TRPM6: variants seen among roughly 807,000 people sequenced by gnomAD.
The protein encoded by TRPM6 is channel kinase 2.
A neutral mutation model predicts 247.6 loss-of-function variants in TRPM6; 111 were observed. That is an observed-to-expected ratio of 0.45 (90% CI 0.38 to 0.52). The LOEUF (loss-of-function observed/expected upper bound fraction) is 0.52, where lower values mean the gene tolerates loss of function less well. TRPM6 is among the 20% of genes least tolerant of loss of function. The pLI is 0.00. For synonymous variants in TRPM6, 892 were observed against 853.8 expected (o/e 1.04, Z -0.78); for missense variants, 2,126 against 2,421.5 (o/e 0.88, Z 2.56).
intron 1 of TRPM6, among the ~76,000 whole-genome samples, chr9:74,872,230 C>G (rs1412492340): frequency 6.6e-6 from 1 of 152,192 alleles, no homozygotes; most frequent in African/African-American, 2.4e-5. Flanking sequence ...AAGCAATCAT[C>G]CTGCCTTGTC....
intron 25 of TRPM6, among the ~76,000 whole-genome samples, chr9:74,767,595 C>T (rs969428314): frequency 1.3e-5 from 2 of 152,110 alleles, no homozygotes; most frequent in Admixed American, 1.3e-4. Context: ...TAAATGACCT[C>T]AACAAAGATG....
At chr9:74,843,457 C>T (rs1587569615) in intron 3 of TRPM6, among the ~76,000 whole-genome samples, 1 of 152,092 alleles carries the variant, frequency 6.6e-6, no homozygotes, top group Admixed American at 6.6e-5. Context: ...TGTCCAGATC[C>T]ATCAGAGGAA....
intron 13 of TRPM6, among the ~76,000 whole-genome samples, chr9:74,809,297 A>C (rs1239656516): frequency 6.6e-6 from 1 of 152,194 alleles, no homozygotes; most frequent in East Asian, 1.9e-4. Context: ...GACTACTTAA[A>C]TTGCACCTTA....
At chr9:74,869,131 G>T (rs946410942) in intron 1 of TRPM6, among the ~76,000 whole-genome samples, 4 of 152,130 alleles carry the variant, frequency 2.6e-5, no homozygotes, top group Non-Finnish European at 5.9e-5. Context: ...CAGGAAAAAG[G>T]TTGTAAAACA....
chr9:74,725,264 G>A (rs375350710), intron 38 of TRPM6, among the ~76,000 whole-genome samples: 1 of 152,034 alleles, frequency 6.6e-6, no homozygotes, highest in African/African-American at 2.4e-5. Context: ...AATATTAATA[G>A]GCATAACCTT....
intron 25 of TRPM6, among the ~76,000 whole-genome samples, chr9:74,767,147 G>A (rs760802466): frequency 6.6e-6 from 1 of 152,120 alleles, no homozygotes; most frequent in Non-Finnish European, 1.5e-5. Flanking sequence ...CCTCAGTAAG[G>A]TTTCATGGTC....
In TRPM6 at chr9:74,840,008, A is replaced by G; in HGVS notation, c.544+16T>C. On this transcript the variant is annotated intron_variant, in intron 5 of 38. Coordinates refer to ENST00000360774, the MANE Select transcript of TRPM6 (RefSeq NM_017662.5). ...GTGAAAGAGAGGGTGGGAGAAATGG[A>G]GGGAGGGAGCTTTACCTGTATTGAT... 1 of 1,589,812 alleles carries G rather than the reference A, an allele frequency of 6.3e-7. No individual in the cohort carries two copies. The highest frequency in any genetic ancestry group is 8.6e-7 in the Non-Finnish European group (1 of 1,158,184).
chr9:74,772,131 A>C (rs1340207219), intron 24 of TRPM6, among the ~76,000 whole-genome samples: 1 of 152,116 alleles, frequency 6.6e-6, no homozygotes, highest in Non-Finnish European at 1.5e-5. Context: ...CTCTACAAAA[A>C]AATTTCAATA....
At chr9:74,753,589 G>A (rs1449738004) in intron 28 of TRPM6, among the ~76,000 whole-genome samples, 4 of 152,000 alleles carry the variant, frequency 2.6e-5, no homozygotes, top group South Asian at 2.1e-4. Flanking sequence ...CCAGCTACTC[G>A]GGAGGCTGAG....
chr9:74,828,585 G>A (rs1230942212), intron 6 of TRPM6, among the ~76,000 whole-genome samples: 1 of 151,394 alleles, frequency 6.6e-6, no homozygotes, highest in Non-Finnish European at 1.5e-5. Context: ...ACACAGCATG[G>A]TCACATTGCT....
chr9:74,756,681 C>CAAAAAAAAAAAAAAA, intron 27 of TRPM6, among the ~76,000 whole-genome samples: 1 of 51,774 alleles, frequency 1.9e-5, no homozygotes, highest in Non-Finnish European at 4.1e-5. Context: ...CCCGTCTCTA[C>CAAAAAAAAAAAAAAA]AAAAAAAAAA....
chr9:74,797,786 C>G (rs1828152935), intron 17 of TRPM6, among the ~76,000 whole-genome samples: 4 of 152,056 alleles, frequency 2.6e-5, no homozygotes, highest in Admixed American at 2.6e-4. Flanking sequence ...AGGGCAGTGA[C>G]AGGTATTATT....
At chr9:74,806,059 A>T (rs1380890221) in intron 14 of TRPM6, among the ~76,000 whole-genome samples, 5 of 152,214 alleles carry the variant, frequency 3.3e-5, no homozygotes, top group Admixed American at 6.5e-5. Flanking sequence ...AGTACATTTC[A>T]TTTAGAGATA....
intron 27 of TRPM6, among the ~76,000 whole-genome samples, chr9:74,755,975 T>C (rs999320486): frequency 1.3e-5 from 2 of 152,210 alleles, no homozygotes; most frequent in African/African-American, 4.8e-5. Context: ...TGAGCCCCTT[T>C]TCCTTCATTA....
chr9:74,830,155 CTTGAAGG>C (rs1829492841), intron 6 of TRPM6, among the ~76,000 whole-genome samples: 1 of 151,776 alleles, frequency 6.6e-6, no homozygotes, highest in Non-Finnish European at 1.5e-5. Flanking sequence ...AACAAAAAAA[CTTGAAGG>C]TTAAGAAGTC....
rs776762572 is a variant in TRPM6, at chr9:74,800,358, C to T, written c.2134G>A (p.Val712Met). ...ACAAAGGGTCGTAATCCTCCCGACACGGCCAGTTTAAGGCAGGTCGAATTG... is the reference window on the plus strand; with the variant it reads ...ACAAAGGGTCGTAATCCTCCCGACATGGCCAGTTTAAGGCAGGTCGAATTG... ...WSNSTCLKLA[V>M]SGGLRPFVSH... Residue 712 changes from valine to methionine, a missense_variant, in exon 17 of 39, where the codon GTG becomes ATG. This residue lies in a region of TRPM6 where 1,082 missense variants were observed against 1,307.9 expected (regional missense o/e 0.83). Transcript: ENST00000360774. 2.3e-5 allele frequency: 37 copies of T among 1,613,958 alleles called. No individual in the cohort carries two copies. The highest frequency in any genetic ancestry group is 2.7e-5 in the African/African-American group (2 of 74,880).
rs930433019 is a variant in TRPM6, at chr9:74,723,958, C to T, written c.*655G>A. Reference sequence around the variant, plus strand: ...GGAAGGGTATTTGTTTTAGGTTTCCCTTTCTTTTACAGAAACCTGAAATAT... The same window carrying T: ...GGAAGGGTATTTGTTTTAGGTTTCCTTTTCTTTTACAGAAACCTGAAATAT... On this transcript the variant is annotated 3_prime_UTR_variant, in exon 39 of 39. Transcript: ENST00000360774. 2.0e-5 allele frequency: 3 copies of T among 147,898 alleles called. No individual in the cohort carries two copies. The highest frequency in any genetic ancestry group is 7.4e-5 in the African/African-American group (3 of 40,414). 9.2% of individuals were successfully genotyped at this position (147,898 alleles called of 1,614,324 possible). A position where few individuals can be genotyped will look rare whatever the true frequency, so the allele number is the denominator to read the frequency against.
At chr9:74,725,751 G>A (rs530029269) in intron 38 of TRPM6, among the ~76,000 whole-genome samples, 22 of 152,166 alleles carry the variant, frequency 1.4e-4, no homozygotes, top group Non-Finnish European at 2.9e-4. Context: ...ATGTGGAACT[G>A]TAAGCTCATT....
Position 74,800,619 on chromosome 9 carries a change from T to TA in TRPM6, c.2010-138dup, listed in dbSNP as rs5898379. The TA allele has an allele frequency of 0.021, 12,059 of 572,276 alleles. 7 individuals carry two copies. The highest frequency in any genetic ancestry group is 0.025 in the South Asian group (1,257 of 49,664). 35.4% of individuals were successfully genotyped at this position (572,276 alleles called of 1,614,324 possible). A position where few individuals can be genotyped will look rare whatever the true frequency, so the allele number is the denominator to read the frequency against. On this transcript the variant is annotated intron_variant, in intron 16 of 38. Coordinates refer to ENST00000360774, the MANE Select transcript of TRPM6 (RefSeq NM_017662.5). ...AAATATCAATTCATAAGGCTTCCTTTAAAAAAAAAAAAAAAGCCAACAACA... is the reference window on the plus strand; with the variant it reads ...AAATATCAATTCATAAGGCTTCCTTTAAAAAAAAAAAAAAAAGCCAACAACA...
Sources: gnomAD v4.1 joint callset for allele counts (sites outside exome capture counted in the v4.1 genomes callset) on GRCh38, gnomAD v4.1.1 for gene constraint, gnomAD v4.1.1 regional missense constraint, MANE v1.5 for transcripts, NCBI Gene and HGNC (gene_info 2026-07-23, HGNC 2026-07-21) for gene names.